The following GLRA3 variants were observed in gnomAD, a reference collection of about 807,000 sequenced individuals.
GLRA3 encodes the protein glycine receptor subunit alpha-3.
GLRA3 carries 44 observed loss-of-function variants against 60.4 expected under a neutral mutation model. The ratio of observed to expected loss-of-function variants is 0.73; its 90% CI spans 0.57 to 0.94. The LOEUF (loss-of-function observed/expected upper bound fraction) is 0.94, where lower values mean the gene tolerates loss of function less well. Among genes scored for constraint, GLRA3 ranks in the 40% least tolerant of loss-of-function variants. The pLI is 0.00. For synonymous variants in GLRA3, 223 were observed against 192.9 expected, an observed-to-expected ratio of 1.16 and a Z score of -1.29; for missense variants, 508 against 564.6, an observed-to-expected ratio of 0.90 and a Z score of 1.02.
intron 4 of GLRA3, among the ~76,000 whole-genome samples, chr4:174,721,186 G>A (rs969629483): frequency 1.3e-5 from 2 of 152,018 alleles, no homozygotes; most frequent in South Asian, 4.2e-4. Context: ...GCGCCACCAC[G>A]CCTAGCTAAT....
chr4:174,728,424 C>T, intron 4 of GLRA3, 51 bp downstream of exon 4: 2 of 1,007,844 alleles, frequency 2.0e-6, no homozygotes, highest in Non-Finnish European at 3.1e-6. Context: ...ACCAACAATA[C>T]ACCATGATAT....
rs183045271 is a variant in GLRA3 at position 174,809,578 on chromosome 4, C to T, written c.71+19163G>A. 1.9e-3 allele frequency among the ~76,000 whole-genome samples: 283 copies of T among 152,052 alleles called. 2 individuals carry two copies. The highest frequency in any genetic ancestry group is 7.7e-3 in the Admixed American group (117 of 15,268). ...CGAAACCCCATCTCTACTAAAAATA[C>T]AAAAATGAGCCAGGTATGGTGGCAC... On this transcript the variant is annotated intron_variant, in intron 1 of 9. Transcript: ENST00000274093.
chr4:174,689,626 T>A (rs1443164139), intron 5 of GLRA3, among the ~76,000 whole-genome samples: 3 of 151,720 alleles, frequency 2.0e-5, no homozygotes, highest in African/African-American at 7.3e-5. Context: ...ACTCCGTCCA[T>A]ATGTTCTGCA....
intron 7 of GLRA3, among the ~76,000 whole-genome samples, chr4:174,659,948 G>A (rs565068913): frequency 7.1e-6 from 1 of 140,838 alleles, no homozygotes; most frequent in Non-Finnish European, 1.5e-5. Context: ...CTCCAGCCAG[G>A]GCAAAAGAGT....
intron 5 of GLRA3, among the ~76,000 whole-genome samples, chr4:174,699,190 C>T (rs1290083801): frequency 1.3e-5 from 2 of 151,946 alleles, no homozygotes; most frequent in African/African-American, 2.4e-5. Context: ...TTAGTAGAGA[C>T]AGGGTTTCAC....
At chr4:174,818,797 A>T (rs1348104154) in intron 1 of GLRA3, among the ~76,000 whole-genome samples, 1 of 152,184 alleles carries the variant, frequency 6.6e-6, no homozygotes, top group African/African-American at 2.4e-5. Flanking sequence ...GCTAGACAGT[A>T]GGATACAGAA....
intron 2 of GLRA3, among the ~76,000 whole-genome samples, chr4:174,779,453 G>C (rs1738773546): frequency 6.6e-6 from 1 of 152,204 alleles, no homozygotes; most frequent in Admixed American, 6.5e-5. Flanking sequence ...ACGGAACAAA[G>C]CTGGACGGAG....
At chr4:174,780,684 CTT>C (rs1401757598) in intron 2 of GLRA3, among the ~76,000 whole-genome samples, 2 of 151,194 alleles carry the variant, frequency 1.3e-5, no homozygotes, top group Admixed American at 6.6e-5. Context: ...ATAAAACAGA[CTT>C]TAAACCAACA....
chr4:174,649,736 T>C (rs1156741480), intron 9 of GLRA3, among the ~76,000 whole-genome samples: 1 of 149,292 alleles, frequency 6.7e-6, no homozygotes, highest in Non-Finnish European at 1.5e-5. Flanking sequence ...TGAAAACTAT[T>C]CAAGAGTTTT....
chr4:174,637,558 A>G lies in GLRA3; in HGVS notation c.*6228T>C, dbSNP rs898632428. ...CACAGCTCCCTAGTATTAACCACCC[A>G]GGCTGGATACTGTGTATGTGAGCGG... On this transcript the variant is annotated 3_prime_UTR_variant, in exon 10 of 10. Transcript: ENST00000274093. The G allele has an allele frequency of 2.0e-5, 3 of 152,180 alleles. No individual in the cohort carries two copies. Among genetic ancestry groups the G allele is most frequent in the African/African-American group, 7.2e-5 (3 of 41,472 alleles). 9.4% of individuals were successfully genotyped at this position (152,180 alleles called of 1,614,324 possible).
intron 5 of GLRA3, among the ~76,000 whole-genome samples, chr4:174,691,808 C>T (rs560849489): frequency 0.03 from 4,578 of 152,168 alleles, 109 homozygotes; most frequent in Non-Finnish European, 0.048. Context: ...TCTGCCCGGC[C>T]GCCACCCCAT....
intron 5 of GLRA3, among the ~76,000 whole-genome samples, chr4:174,684,705 AAT>A (rs1734487317): frequency 6.6e-6 from 1 of 152,134 alleles, no homozygotes; most frequent in African/African-American, 2.4e-5. Context: ...AACCAAGTCA[AAT>A]GGTCGGTATG....
At chr4:174,659,319 A>C in intron 7 of GLRA3, 122 bp from the exon 8 acceptor site, 1 of 676,522 alleles carries the variant, frequency 1.5e-6, no homozygotes, top group Non-Finnish European at 2.3e-6. Context: ...AAAAATAAAG[A>C]AAATGACAAT....
At chr4:174,769,879 C>T (rs1451590189) in intron 2 of GLRA3, among the ~76,000 whole-genome samples, 1 of 152,130 alleles carries the variant, frequency 6.6e-6, no homozygotes, top group East Asian at 1.9e-4. Flanking sequence ...ATGTTTTCTT[C>T]TTATGAATTT....
chr4:174,768,554 C>A (rs1738246028), intron 2 of GLRA3, among the ~76,000 whole-genome samples: 1 of 152,020 alleles, frequency 6.6e-6, no homozygotes, highest in Non-Finnish European at 1.5e-5. Context: ...CTGAAGAAGA[C>A]ACAAAAAGAT....
chr4:174,721,374 T>C (rs1305025354), intron 4 of GLRA3, among the ~76,000 whole-genome samples: 1 of 152,098 alleles, frequency 6.6e-6, no homozygotes, highest in East Asian at 1.9e-4. Flanking sequence ...TTACATGTTA[T>C]AAATATGTAA....
At chr4:174,778,799 C>G (rs12501582) in intron 2 of GLRA3, among the ~76,000 whole-genome samples, 2 of 152,152 alleles carry the variant, frequency 1.3e-5, no homozygotes, top group Non-Finnish European at 2.9e-5. Context: ...GGTTATACCC[C>G]GCACCTGGCT....
At chr4:174,814,618 C>A (rs1327257554) in intron 1 of GLRA3, among the ~76,000 whole-genome samples, 1 of 152,270 alleles carries the variant, frequency 6.6e-6, no homozygotes, top group Admixed American at 6.5e-5. Flanking sequence ...GGAGTCCTCA[C>A]AATCATGGCA....
rs1264652040 is a variant in GLRA3 at position 174,643,810 on chromosome 4, C to T, written c.1371G>A (p.Glu457=). Residue 457 remains glutamate (E), a synonymous_variant, in exon 10 of 10, where the codon GAG becomes GAA. Transcript: ENST00000274093. ...CTTAATCTTGCTGCTGATGAATATC[C>T]TCATGCCTAAGAATTTTATAGATAA... ...YWVIYKILRH[E]DIHQQQD 2 of 1,613,434 alleles carry T rather than the reference C, an allele frequency of 1.2e-6. No individual in the cohort carries two copies. The highest frequency in any genetic ancestry group is 8.5e-7 in the Non-Finnish European group (1 of 1,179,626).
Sources: allele counts gnomAD v4.1 joint callset (sites outside exome capture counted in the v4.1 genomes callset), GRCh38; gene constraint gnomAD v4.1.1; transcripts MANE v1.5; gene names NCBI Gene and HGNC (gene_info 2026-07-23, HGNC 2026-07-21).